Variants in ADARB1 observed in about 807,000 individuals in gnomAD.
ADARB1 encodes double-stranded RNA-specific editase 1.
Under a neutral mutation model 52.4 loss-of-function variants are expected in ADARB1, and 10 were observed. The ratio of observed to expected loss-of-function variants is 0.19; its 90% CI spans 0.12 to 0.32. The LOEUF is 0.32. Among genes scored for constraint, ADARB1 ranks in the 10% least tolerant of loss-of-function variants. The pLI, the probability that ADARB1 is intolerant of heterozygous loss-of-function variation, is 1.00. For synonymous variants in ADARB1, 349 were observed against 371.1 expected, an observed-to-expected ratio of 0.94 and a Z score of 0.68; for missense variants, 643 against 922.3, an observed-to-expected ratio of 0.70 and a Z score of 3.92.
chr21:45,180,466 G>GT, intron 5 of ADARB1, 22 bp downstream of exon 5: 1 of 1,574,524 alleles, frequency 6.4e-7, no homozygotes, highest in Non-Finnish European at 8.7e-7. Flanking sequence ...GGTGTTGTAT[G>GT]TAACCCTGCC....
chr21:45,219,682 C>G (rs1006428729), intron 9 of ADARB1, among the ~76,000 whole-genome samples: 2 of 152,112 alleles, frequency 1.3e-5, no homozygotes, highest in Non-Finnish European at 1.5e-5. Flanking sequence ...GATTTGCAAC[C>G]ACCATAAGGT....
At chr21:45,126,481 CT>C (rs1468722752) in intron 1 of ADARB1, among the ~76,000 whole-genome samples, 1 of 152,186 alleles carries the variant, frequency 6.6e-6, no homozygotes, top group Admixed American at 6.5e-5. Context: ...CTACTGTGAT[CT>C]TAGTCACGGG....
Position 45,184,936 on chromosome 21 carries a change from A to G in ADARB1, c.1410A>G (p.Arg470=). 1 of 1,611,960 alleles carries G rather than the reference A, an allele frequency of 6.2e-7. No homozygotes were observed. Among genetic ancestry groups the G allele is most frequent in the Non-Finnish European group, 8.5e-7 (1 of 1,178,148 alleles). The change falls in exon 8 of 11, where the codon AGA becomes AGG. Residue 470 remains arginine (R), a synonymous_variant. Transcript: ENST00000348831. ...HEPILEEPAD[R]HPNRKARGQL... ...TTTCTCTCTTAGAACCAGCAGATAG[A>G]CACCCAAATCGTAAAGCAAGAGGAC...
intron 9 of ADARB1, among the ~76,000 whole-genome samples, chr21:45,211,812 C>G (rs1466535346): frequency 6.6e-6 from 1 of 152,204 alleles, no homozygotes; most frequent in Admixed American, 6.5e-5. Context: ...TACCCTAGTT[C>G]CCTCTTTGCA....
Position 45,142,045 on chromosome 21 carries a change from C to G in ADARB1, c.-48+13472C>G, listed in dbSNP as rs1467389871. Among the ~76,000 whole-genome samples, 1 of 152,168 alleles carries G rather than the reference C, an allele frequency of 6.6e-6. No homozygotes were observed. The highest frequency in any genetic ancestry group is 1.5e-5 in the Non-Finnish European group (1 of 68,016). ...TTAGCCACCCCTGGGCCACTGTAGC[C>G]ACCTCTGGGTGTCCTTAGCCACCCC... On this transcript the variant is annotated intron_variant, in intron 2 of 10. Transcript: ENST00000348831. The surrounding 1 kb of genome is among the most constrained non-coding windows in gnomAD (Gnocchi z 4.0).
chr21:45,138,026 G>A (rs1438551636), intron 2 of ADARB1, among the ~76,000 whole-genome samples: 9 of 152,164 alleles, frequency 5.9e-5, no homozygotes, highest in African/African-American at 1.4e-4. Context: ...GATGAGAAGC[G>A]ATAGAGTATA....
chr21:45,201,289 G>A (rs2092549466), intron 8 of ADARB1, among the ~76,000 whole-genome samples: 1 of 152,182 alleles, frequency 6.6e-6, no homozygotes, highest in Non-Finnish European at 1.5e-5. Context: ...GTGCATTAGT[G>A]GAAGCTGGTG....
At chr21:45,182,958 G>A (rs960445267) in intron 6 of ADARB1, among the ~76,000 whole-genome samples, 4 of 152,108 alleles carry the variant, frequency 2.6e-5, no homozygotes, top group African/African-American at 9.7e-5. Context: ...ACATAACATG[G>A]TCATAAATTT....
In ADARB1 at chr21:45,183,448, A is replaced by T; in HGVS notation, c.1334A>T (p.Tyr445Phe). 1 of 1,613,588 alleles carries T rather than the reference A, an allele frequency of 6.2e-7. No homozygotes were observed. The highest frequency in any genetic ancestry group is 8.5e-7 in the Non-Finnish European group (1 of 1,179,838). The change falls in exon 7 of 11, where the codon TAC becomes TTC. Residue 445 changes from tyrosine (Y) to phenylalanine (F), a missense_variant. Tyr to Phe is a conservative substitution (Grantham distance 22). Transcript: ENST00000348831. ...AAGGAGAATGTCCAGTTTCATCTGT[A>T]CATCAGCACCTCTCCCTGTGGAGAT... Reference protein sequence around the residue: ...RLKENVQFHLYISTSPCGDAR... With the variant: ...RLKENVQFHLFISTSPCGDAR...
chr21:45,098,193 G>C (rs912858657), intron 1 of ADARB1, among the ~76,000 whole-genome samples: 4 of 152,118 alleles, frequency 2.6e-5, no homozygotes, highest in African/African-American at 9.7e-5. Flanking sequence ...AGGCTCCACG[G>C]ACCCACCAGG....
At chr21:45,144,392 C>G (rs1311227536) in intron 2 of ADARB1, among the ~76,000 whole-genome samples, 3 of 152,170 alleles carry the variant, frequency 2.0e-5, no homozygotes, top group Non-Finnish European at 4.4e-5. Context: ...TTGTGACATT[C>G]TCCTAGAATT....
intron 1 of ADARB1, among the ~76,000 whole-genome samples, chr21:45,114,607 G>T (rs1174526921): frequency 6.6e-6 from 1 of 152,180 alleles, no homozygotes; most frequent in Non-Finnish European, 1.5e-5. Flanking sequence ...GAGCTTATCT[G>T]GCTCTCCCAT....
At chr21:45,080,159 G>C (rs1444671256) in intron 1 of ADARB1, among the ~76,000 whole-genome samples, 2 of 152,176 alleles carry the variant, frequency 1.3e-5, no homozygotes, top group Non-Finnish European at 2.9e-5. Context: ...ATAGAGTAGA[G>C]GTGGGAACAT....
At chr21:45,110,829 ATC>A (rs971326685) in intron 1 of ADARB1, among the ~76,000 whole-genome samples, 10 of 152,164 alleles carry the variant, frequency 6.6e-5, no homozygotes, top group African/African-American at 2.4e-4. Context: ...CAGTGGGCGC[ATC>A]TCTGTCAGTT....
chr21:45,188,613 GT>G (rs35827898), intron 8 of ADARB1, among the ~76,000 whole-genome samples: 542 of 36,196 alleles, frequency 0.015, 4 homozygotes, highest in African/African-American at 0.031. Context: ...TAGTTGAATT[GT>G]TTTTTTTTTT....
Position 45,200,614 on chromosome 21 carries a change from C to G in ADARB1, c.1566-3941C>G, listed in dbSNP as rs1445903605. ...GAAAGGGGGAGGCTTTGGGTATGTT[C>G]TGATGGAGGTAGGGGAAGCCAAGAT... is the stretch of plus-strand genomic sequence containing the variant. On this transcript the variant is annotated intron_variant, in intron 8 of 10. Transcript: ENST00000348831. The surrounding 1 kb of genome is among the most constrained non-coding windows in gnomAD (Gnocchi z 5.0). Among the ~76,000 whole-genome samples the G allele has an allele frequency of 6.6e-6, 1 of 151,772 alleles. No individual in the cohort carries two copies. The highest frequency in any genetic ancestry group is 1.5e-5 in the Non-Finnish European group (1 of 67,906).
At chr21:45,136,407 A>G (rs1342458715) in intron 2 of ADARB1, among the ~76,000 whole-genome samples, 1 of 152,236 alleles carries the variant, frequency 6.6e-6, no homozygotes, top group Non-Finnish European at 1.5e-5. Flanking sequence ...CAGATACACC[A>G]GATTTAGGGA....
Position 45,204,363 on chromosome 21 carries a change from T to C in ADARB1, c.1566-192T>C, listed in dbSNP as rs2092623983. On this transcript the variant is annotated intron_variant, in intron 8 of 10. Coordinates refer to ENST00000348831, the MANE Select transcript of ADARB1 (RefSeq NM_001112.4). This position sits in a 1 kb window ranked among gnomAD's most constrained non-coding sequence, Gnocchi z 4.4. Reference sequence around the variant, plus strand: ...AAAAACAAACACAGTGTAAAATAACTTTTAAGTAGATTTTTGTCTTTGTGA... The same window carrying C: ...AAAAACAAACACAGTGTAAAATAACCTTTAAGTAGATTTTTGTCTTTGTGA... Among the ~76,000 whole-genome samples the C allele has an allele frequency of 6.6e-6, 1 of 152,242 alleles. No individual in the cohort carries two copies. The highest frequency in any genetic ancestry group is 1.5e-5 in the Non-Finnish European group (1 of 68,034).
intron 9 of ADARB1, among the ~76,000 whole-genome samples, chr21:45,212,972 G>T (rs541589357): frequency 1.3e-5 from 2 of 152,332 alleles, no homozygotes; most frequent in East Asian, 3.9e-4. Context: ...TTTTGAGTGT[G>T]CAGTGGGCAT....
Sources: allele counts gnomAD v4.1 joint callset (sites outside exome capture counted in the v4.1 genomes callset), GRCh38; gene constraint gnomAD v4.1.1; non-coding constraint Gnocchi (gnomAD v3.1); transcripts MANE v1.5; gene names NCBI Gene and HGNC (gene_info 2026-07-23, HGNC 2026-07-21).